The following GPHN variants were observed in gnomAD, a reference collection of about 807,000 sequenced individuals.
GPHN encodes gephyrin.
GPHN carries 17 observed loss-of-function variants against 95.5 expected under a neutral mutation model. That is an observed-to-expected ratio of 0.18 (90% CI 0.12 to 0.27). GPHN has a LOEUF of 0.27. Ranked by LOEUF, GPHN falls within the 10% of genes least tolerant of loss-of-function variation. GPHN has a pLI of 1.00. For missense variants in GPHN, 660 were observed against 978.1 expected (o/e 0.67, Z 4.34); for synonymous variants, 320 against 322.5 (o/e 0.99, Z 0.08).
At chr14:67,420,007 A>C in the GPHN span, among the ~76,000 whole-genome samples, 214 of 152,310 alleles carry the variant, frequency 1.4e-3, 1 homozygote, top group African/African-American at 5.0e-3. Context: ...TCATTTTAAG[A>C]AATCTCTCAC....
intron 10 of GPHN, among the ~76,000 whole-genome samples, chr14:67,055,187 A>G (rs530526144): frequency 1.3e-5 from 2 of 152,326 alleles, no homozygotes; most frequent in East Asian, 1.9e-4. Context: ...ATTGCAATCT[A>G]TCCCTCAGAC....
At chr14:67,152,975 A>AG (rs1567414914) in intron 18 of GPHN, among the ~76,000 whole-genome samples, 2 of 151,132 alleles carry the variant, frequency 1.3e-5, no homozygotes, top group African/African-American at 4.9e-5. Context: ...AAAAAAAAAA[A>AG]GGTTCACTGT....
chr14:67,621,063 G>A, the GPHN span: 1 of 1,198,958 alleles, frequency 8.3e-7, no homozygotes, highest in Non-Finnish European at 1.2e-6. Flanking sequence ...CTTTGTGTTT[G>A]GGAACAGTCT....
intron 3 of GPHN, among the ~76,000 whole-genome samples, chr14:66,812,423 A>G (rs1462455726): frequency 6.6e-6 from 1 of 152,226 alleles, no homozygotes; most frequent in Non-Finnish European, 1.5e-5. Flanking sequence ...AACATGACCC[A>G]TTCTTGCGAG....
In GPHN at chr14:66,643,088, A is replaced by T. The variant is rs943544460; in HGVS notation, c.65-38019A>T. Reference sequence around the variant, plus strand: ...GACTCATATTCCATAACCCAATTTTAAAAATGAATAAAAGACTTGAAAAGG... The same window carrying T: ...GACTCATATTCCATAACCCAATTTTTAAAATGAATAAAAGACTTGAAAAGG... On this transcript the variant is annotated intron_variant, in intron 1 of 22. Transcript: ENST00000478722. Among the ~76,000 whole-genome samples the T allele has an allele frequency of 2.0e-5, 3 of 152,262 alleles. No individual in the cohort carries two copies. The East Asian group carries it at 5.8e-4, about 29-fold the overall frequency.
the GPHN span, among the ~76,000 whole-genome samples, chr14:67,214,485 G>T: frequency 1.2e-4 from 18 of 152,240 alleles, no homozygotes; most frequent in East Asian, 3.5e-3. Flanking sequence ...TAGACGTGCG[G>T]CGTTATTTCT....
chr14:67,466,476 G>A, the GPHN span, among the ~76,000 whole-genome samples: 3 of 152,212 alleles, frequency 2.0e-5, no homozygotes, highest in Admixed American at 6.5e-5. Context: ...GCACAGAAAT[G>A]GCATGGATGG....
At chr14:66,615,011 C>G (rs140177650) in intron 1 of GPHN, among the ~76,000 whole-genome samples, 2,588 of 152,250 alleles carry the variant, frequency 0.017, 33 homozygotes, top group Non-Finnish European at 0.026. Context: ...TTATGGCTTC[C>G]AGCTTCATTC....
chr14:67,332,760 T>A, the GPHN span: 3 of 1,594,848 alleles, frequency 1.9e-6, no homozygotes, highest in Non-Finnish European at 2.6e-6. Context: ...TATCTCACAG[T>A]TTTTATCTTC....
In GPHN at chr14:66,764,826, A is replaced by T. The variant is rs1424819275; in HGVS notation, c.144-11638A>T. On this transcript the variant is annotated intron_variant, in intron 2 of 22. Coordinates refer to ENST00000478722, the MANE Select transcript of GPHN (RefSeq NM_020806.5). The stretch of plus-strand genomic sequence containing the variant: ...TGTACATGATTAGTATTCTAAGTTT[A>T]AAATATAATAAAAATTAAAGAATTA... Among the ~76,000 whole-genome samples the T allele has an allele frequency of 6.6e-5, 10 of 152,244 alleles. No individual in the cohort carries two copies. The Middle Eastern group carries it at 0.017, about 259-fold the overall frequency.
chr14:67,383,568 A>G, the GPHN span: 29 of 1,339,156 alleles, frequency 2.2e-5, no homozygotes, highest in Non-Finnish European at 2.9e-5. Flanking sequence ...AAGTATTTAA[A>G]TGTTCTAACA....
At chr14:66,878,123 G>C (rs1408074332) in intron 4 of GPHN, among the ~76,000 whole-genome samples, 1 of 152,110 alleles carries the variant, frequency 6.6e-6, no homozygotes, top group Non-Finnish European at 1.5e-5. Flanking sequence ...AAGCAATGGG[G>C]AAAGAATTTT....
chr14:67,217,139 T>A, the GPHN span, among the ~76,000 whole-genome samples: 1 of 151,908 alleles, frequency 6.6e-6, no homozygotes. Context: ...AATTGATCCG[T>A]TTATAACTAT....
intron 1 of GPHN, among the ~76,000 whole-genome samples, chr14:66,573,801 T>C (rs72724597): frequency 0.039 from 5,993 of 152,208 alleles, 172 homozygotes; most frequent in Middle Eastern, 0.065. Context: ...AAAGTCTACT[T>C]TATTATGAAT....
At chr14:67,036,256 A>G (rs1435627416) in intron 10 of GPHN, among the ~76,000 whole-genome samples, 1 of 151,790 alleles carries the variant, frequency 6.6e-6, no homozygotes, top group Non-Finnish European at 1.5e-5. Flanking sequence ...TGAAAAGCTC[A>G]TAACATAACA....
intron 12 of GPHN, among the ~76,000 whole-genome samples, chr14:67,095,279 G>A (rs2077312811): frequency 6.6e-6 from 1 of 152,080 alleles, no homozygotes; most frequent in South Asian, 2.1e-4. Flanking sequence ...GTAATCCATG[G>A]ACCAGCAGCC....
intron 10 of GPHN, among the ~76,000 whole-genome samples, chr14:67,042,660 C>T (rs916252244): frequency 6.6e-6 from 1 of 152,046 alleles, no homozygotes; most frequent in South Asian, 2.1e-4. Flanking sequence ...AGTCAGGTAG[C>T]GTGATGTCTC....
intron 9 of GPHN, among the ~76,000 whole-genome samples, chr14:66,990,187 C>T (rs1455409079): frequency 1.3e-5 from 2 of 152,034 alleles, no homozygotes; most frequent in African/African-American, 2.4e-5. Flanking sequence ...CTAGTGAGAA[C>T]TCCCTCACTA....
the GPHN span, among the ~76,000 whole-genome samples, chr14:67,419,634 G>A: frequency 1.3e-5 from 2 of 152,096 alleles, no homozygotes; most frequent in African/African-American, 2.4e-5. Context: ...AGGCCGAGGC[G>A]GGCGGATCAT....
Sources: gnomAD v4.1 joint callset for allele counts (sites outside exome capture counted in the v4.1 genomes callset) on GRCh38, gnomAD v4.1.1 for gene constraint, MANE v1.5 for transcripts, NCBI Gene and HGNC (gene_info 2026-07-23, HGNC 2026-07-21) for gene names.